Variants in APPL2 observed in about 807,000 individuals in gnomAD.
APPL2 encodes the protein DCC-interacting protein 13-beta.
Under a neutral mutation model 92.7 loss-of-function variants are expected in APPL2, and 84 were observed. That is an observed-to-expected ratio of 0.91 (90% CI 0.76 to 1.09). APPL2 has a LOEUF of 1.09. Among genes scored for constraint, APPL2 ranks in the 50% least tolerant of loss-of-function variants. The pLI is 0.00. For synonymous variants in APPL2, 291 were observed against 291.0 expected (o/e 1.00, Z 0.00); for missense variants, 736 against 824.5 (o/e 0.89, Z 1.31).
At chr12:105,227,282 A>G (rs1317941) in intron 2 of APPL2, among the ~76,000 whole-genome samples, 53,125 of 151,968 alleles carry the variant, frequency 0.35, 9,935 homozygotes, top group East Asian at 0.54. Context: ...ATTACAGGCC[A>G]GCCCAAAGCT....
rs139016979 is a variant in APPL2 at position 105,210,317 on chromosome 12, C to T, written c.373+913G>A. Among the ~76,000 whole-genome samples, 27 of 152,130 alleles carry T rather than the reference C, an allele frequency of 1.8e-4. No individual in the cohort carries two copies. In the East Asian group the frequency reaches 3.9e-3, roughly 22 times the overall value. On this transcript the variant is annotated intron_variant, in intron 5 of 20. Coordinates refer to ENST00000258530, the MANE Select transcript of APPL2 (RefSeq NM_018171.5). ...ACTGCAACCTTCTCCGCCCCAACCC[C>T]CGCCGCAAAAAAAGCTTAAAGTGAT...
chr12:105,235,963 G>T lies in APPL2; in HGVS notation c.50C>A (p.Pro17His). 1 of 1,251,022 alleles carries T rather than the reference G, an allele frequency of 8.0e-7. No individual in the cohort carries two copies. Among genetic ancestry groups the T allele is most frequent in the Non-Finnish European group, 1.0e-6 (1 of 989,610 alleles). 77.5% of individuals were successfully genotyped at this position (1,251,022 alleles called of 1,614,324 possible). A position where few individuals can be genotyped will look rare whatever the true frequency, so the allele number is the denominator to read the frequency against. ...CACCGGAGCGGCGGGAGGTACCTGG[G>T]GGCTGTCCTGCAACGCCTCCTCTAG... ...LLLEEALQDS[P>H]QTRSLLSVFE... Residue 17 changes from proline (P) to histidine (H), a missense_variant, in exon 1 of 21, where the codon CCC becomes CAC. Transcript: ENST00000258530.
chr12:105,186,234 A>C (rs1012302903), intron 17 of APPL2, among the ~76,000 whole-genome samples: 2 of 152,210 alleles, frequency 1.3e-5, no homozygotes, highest in South Asian at 4.2e-4. Flanking sequence ...TATATTTACC[A>C]GGATGAGCAT....
chr12:105,174,876 T>TGGGGGGGGGGGGG (rs59473626), intron 20 of APPL2, among the ~76,000 whole-genome samples: 20 of 88,990 alleles, frequency 2.2e-4, no homozygotes, highest in Admixed American at 6.0e-4. Flanking sequence ...TTTTTTTTGG[T>TGGGGGGGGGGGGG]GGGGGGGGGG....
In APPL2 at chr12:105,210,428, C is replaced by T. The variant is rs1047285923; in HGVS notation, c.373+802G>A. On this transcript the variant is annotated intron_variant, in intron 5 of 20. Coordinates refer to ENST00000258530, the MANE Select transcript of APPL2 (RefSeq NM_018171.5). ...TTTGGGGCCAGCAACTTGTTTATAT[C>T]AGTGTTCTAGAAAATGTAATTCTTA... Among the ~76,000 whole-genome samples, 5 of 152,282 alleles carry T rather than the reference C, an allele frequency of 3.3e-5. No individual in the cohort carries two copies. In the South Asian group the frequency reaches 6.2e-4, roughly 19 times the overall value.
At position 105,229,177 on chromosome 12, in the gene APPL2, G is replaced by A. The variant is rs1281753806; in HGVS notation, c.101C>T (p.Thr34Ile). 1 of 1,613,810 alleles carries A rather than the reference G, an allele frequency of 6.2e-7. No homozygotes were observed. Among genetic ancestry groups the A allele is most frequent in the East Asian group, 2.2e-5 (1 of 44,880 alleles). The change falls in exon 2 of 21, where the codon ACA becomes ATA. Residue 34 changes from threonine (T) to isoleucine (I), a missense_variant. Thr to Ile is a moderately conservative substitution (Grantham distance 89). Coordinates refer to ENST00000258530, the MANE Select transcript of APPL2 (RefSeq NM_018171.5). Reference protein sequence around the residue: ...SVFEEDAGTLTDYTNQLLQAM... With the variant: ...SVFEEDAGTLIDYTNQLLQAM... ...CTGGAGCAGCTGGTTGGTATAGTCT[G>A]TGAGGGTGCCAGCATCTTCTTCAAA...
chr12:105,233,499 G>T, intron 1 of APPL2: 1 of 650,572 alleles, frequency 1.5e-6, no homozygotes, highest in Non-Finnish European at 1.9e-6. Context: ...GGGTCACTCA[G>T]TTCAATTACA....
At chr12:105,181,891 T>C (rs1173621035) in intron 17 of APPL2, among the ~76,000 whole-genome samples, 1 of 152,204 alleles carries the variant, frequency 6.6e-6, no homozygotes, top group African/African-American at 2.4e-5. Flanking sequence ...CTATCAATTT[T>C]GTTAATCTTT....
At chr12:105,215,229 G>A (rs1889584799) in intron 4 of APPL2, among the ~76,000 whole-genome samples, 1 of 152,176 alleles carries the variant, frequency 6.6e-6, no homozygotes, top group South Asian at 2.1e-4. Flanking sequence ...TGGGGGAGGG[G>A]GTAGTCTGGC....
intron 2 of APPL2, among the ~76,000 whole-genome samples, chr12:105,218,334 T>C (rs1264697249): frequency 1.3e-5 from 2 of 152,204 alleles, no homozygotes; most frequent in African/African-American, 2.4e-5. Context: ...AGAAATGTAG[T>C]GAGCAATTAT....
intron 4 of APPL2, among the ~76,000 whole-genome samples, chr12:105,213,724 T>G (rs538329275): frequency 6.6e-6 from 1 of 152,372 alleles, no homozygotes; most frequent in African/African-American, 2.4e-5. Context: ...CTTAAAATTT[T>G]TTCAACCTGG....
At chr12:105,175,326 T>G (rs1408344278) in intron 20 of APPL2, among the ~76,000 whole-genome samples, 1 of 152,256 alleles carries the variant, frequency 6.6e-6, no homozygotes, top group Non-Finnish European at 1.5e-5. Flanking sequence ...ATTTCATGTA[T>G]GTGGCCTTAG....
intron 17 of APPL2, among the ~76,000 whole-genome samples, chr12:105,186,699 C>CATATCATAT (rs72474692): frequency 0.65 from 86,992 of 133,894 alleles, 29,186 homozygotes; most frequent in East Asian, 0.97. Flanking sequence ...TATCATATAT[C>CATATCATAT]ATATCATATA....
chr12:105,194,342 T>C (rs937934902), intron 14 of APPL2, among the ~76,000 whole-genome samples: 2 of 152,184 alleles, frequency 1.3e-5, no homozygotes, highest in Non-Finnish European at 2.9e-5. Context: ...AAATGTTTGC[T>C]CTAAATGATA....
intron 1 of APPL2, chr12:105,233,029 AC>A: frequency 1.1e-6 from 1 of 921,490 alleles, no homozygotes; most frequent in Non-Finnish European, 1.3e-6. Context: ...AACAAACAAA[AC>A]ACAAACCGAG....
chr12:105,175,842 G>C (rs916314912), intron 20 of APPL2, among the ~76,000 whole-genome samples, 193 bp downstream of exon 20: 1 of 152,198 alleles, frequency 6.6e-6, no homozygotes, highest in African/African-American at 2.4e-5. Context: ...GTGATAAGAA[G>C]TCCTCATGTG....
At chr12:105,227,649 T>C (rs1443628764) in intron 2 of APPL2, among the ~76,000 whole-genome samples, 2 of 152,164 alleles carry the variant, frequency 1.3e-5, no homozygotes, top group African/African-American at 4.8e-5. Context: ...ACCTCTCAAG[T>C]ACAGCTGCTT....
At chr12:105,181,466 TG>T (rs773328558) in intron 17 of APPL2, among the ~76,000 whole-genome samples, 131 of 152,350 alleles carry the variant, frequency 8.6e-4, no homozygotes, top group African/African-American at 3.0e-3. Flanking sequence ...AGGATGATGC[TG>T]GCTTCATAAA....
At chr12:105,206,385 C>T (rs1453995328) in intron 8 of APPL2, among the ~76,000 whole-genome samples, 2 of 152,070 alleles carry the variant, frequency 1.3e-5, no homozygotes, top group Non-Finnish European at 2.9e-5. Flanking sequence ...TTGGAGACAA[C>T]GTGAGTGGGG....
Sources: gnomAD v4.1 joint callset for allele counts (sites outside exome capture counted in the v4.1 genomes callset) on GRCh38, gnomAD v4.1.1 for gene constraint, MANE v1.5 for transcripts, NCBI Gene and HGNC (gene_info 2026-07-23, HGNC 2026-07-21) for gene names.